Variants in GALNT17 observed in about 807,000 individuals in gnomAD.
GALNT17 encodes the protein UDP-GalNAc:polypeptide N-acetylgalactosaminyltransferase-like 3.
In GALNT17, 29 loss-of-function variants were observed where a neutral mutation model predicts 63.7. The observed-to-expected ratio is 0.46, with a 90% CI of 0.34 to 0.62. The LOEUF (loss-of-function observed/expected upper bound fraction) is 0.62, where lower values mean the gene tolerates loss of function less well. GALNT17 is among the 20% of genes least tolerant of loss of function. GALNT17 has a pLI of 0.01. For missense variants in GALNT17, 603 were observed against 799.6 expected, an observed-to-expected ratio of 0.75 and a Z score of 2.97; for synonymous variants, 305 against 318.3, an observed-to-expected ratio of 0.96 and a Z score of 0.45.
chr7:71,198,909 A>T (rs1789109066), intron 1 of GALNT17, among the ~76,000 whole-genome samples: 1 of 152,044 alleles, frequency 6.6e-6, no homozygotes, highest in Non-Finnish European at 1.5e-5. Flanking sequence ...TCACATGGAG[A>T]GCTTGTTGAA....
chr7:71,566,223 C>T (rs1331718666), intron 5 of GALNT17, among the ~76,000 whole-genome samples: 1 of 152,132 alleles, frequency 6.6e-6, no homozygotes, highest in Non-Finnish European at 1.5e-5. Flanking sequence ...CTGATGCAGT[C>T]AGCCCCTAGA....
At chr7:71,689,018 G>A (rs187357337) in intron 9 of GALNT17, among the ~76,000 whole-genome samples, 463 of 152,122 alleles carry the variant, frequency 3.0e-3, no homozygotes, top group Non-Finnish European at 4.8e-3. Context: ...CATTAGTATT[G>A]TATCTGTTAT....
intron 1 of GALNT17, among the ~76,000 whole-genome samples, chr7:71,254,107 C>T (rs1255858584): frequency 6.6e-6 from 1 of 152,194 alleles, no homozygotes; most frequent in Non-Finnish European, 1.5e-5. Context: ...GGCAGGACCA[C>T]TCAAAGCTGA....
chr7:71,419,045 C>T (rs1379091060), intron 4 of GALNT17, among the ~76,000 whole-genome samples: 1 of 152,018 alleles, frequency 6.6e-6, no homozygotes, highest in Non-Finnish European at 1.5e-5. Context: ...CATGCCATTG[C>T]ACTATAGCCT....
intron 2 of GALNT17, among the ~76,000 whole-genome samples, chr7:71,358,680 A>G (rs1171296228): frequency 6.6e-6 from 1 of 152,202 alleles, no homozygotes; most frequent in Admixed American, 6.5e-5. Context: ...ATTTATTATT[A>G]TGTTGTAAAA....
intron 1 of GALNT17, among the ~76,000 whole-genome samples, chr7:71,143,739 G>T (rs950828867): frequency 2.2e-4 from 33 of 151,650 alleles, no homozygotes; most frequent in Admixed American, 2.0e-3. Flanking sequence ...TGGGAGAGTG[G>T]GTTGGAATGC....
intron 1 of GALNT17, among the ~76,000 whole-genome samples, chr7:71,219,204 T>C (rs1789538610): frequency 1.3e-5 from 2 of 152,186 alleles, no homozygotes; most frequent in Non-Finnish European, 2.9e-5. Flanking sequence ...GTTAAATAAC[T>C]TGAGGGTAAT....
chr7:71,709,920 G>A (rs73191062), intron 9 of GALNT17, among the ~76,000 whole-genome samples: 3 of 152,022 alleles, frequency 2.0e-5, no homozygotes, highest in African/African-American at 4.8e-5. Context: ...GTAAAATGTG[G>A]TATCTTATTA....
intron 9 of GALNT17, among the ~76,000 whole-genome samples, chr7:71,678,820 T>C (rs1381260656): frequency 6.7e-6 from 1 of 149,890 alleles, no homozygotes; most frequent in Admixed American, 6.6e-5. Context: ...TAGCCAGGCA[T>C]AGTGGCGGGT....
At chr7:71,310,838 C>T (rs189135168) in intron 1 of GALNT17, among the ~76,000 whole-genome samples, 125 of 152,224 alleles carry the variant, frequency 8.2e-4, no homozygotes, top group Non-Finnish European at 1.4e-3. Context: ...TGGAATGCCA[C>T]GCGATGTTCT....
chr7:71,398,361 T>A (rs1172902587), intron 3 of GALNT17, among the ~76,000 whole-genome samples: 6 of 152,164 alleles, frequency 3.9e-5, no homozygotes, highest in Non-Finnish European at 8.8e-5. Context: ...TCAGTTTTTT[T>A]ATTCTTCCCT....
chr7:71,610,404 C>T (rs755556226), intron 6 of GALNT17, among the ~76,000 whole-genome samples: 1 of 152,152 alleles, frequency 6.6e-6, no homozygotes, highest in Non-Finnish European at 1.5e-5. Flanking sequence ...GGCAGGATCA[C>T]TTGAACCCAA....
chr7:71,564,214 C>A (rs1789300616), intron 5 of GALNT17, among the ~76,000 whole-genome samples: 1 of 151,648 alleles, frequency 6.6e-6, no homozygotes, highest in Non-Finnish European at 1.5e-5. Flanking sequence ...CAGCCTCTGT[C>A]AGGCTCTGTA....
At chr7:71,701,843 G>GTGTATA (rs1791646227) in intron 9 of GALNT17, among the ~76,000 whole-genome samples, 5 of 28,664 alleles carry the variant, frequency 1.7e-4, no homozygotes, top group Admixed American at 3.9e-4. Flanking sequence ...ATATATATGT[G>GTGTATA]TATATATATA....
intron 10 of GALNT17, 26 bp from the exon 11 acceptor site, chr7:71,711,992 C>G: frequency 6.2e-7 from 1 of 1,613,480 alleles, no homozygotes; most frequent in Non-Finnish European, 8.5e-7. Flanking sequence ...CTCTTCTCCT[C>G]TCTTCTCGAT....
At chr7:71,561,377 C>T (rs1789253410) in intron 5 of GALNT17, among the ~76,000 whole-genome samples, 1 of 152,162 alleles carries the variant, frequency 6.6e-6, no homozygotes, top group Non-Finnish European at 1.5e-5. Flanking sequence ...ACTACGAAAA[C>T]ACTCAGTACT....
chr7:71,668,142 T>C (rs912148645), intron 7 of GALNT17, among the ~76,000 whole-genome samples: 3 of 152,164 alleles, frequency 2.0e-5, no homozygotes, highest in African/African-American at 7.2e-5. Context: ...GAGTTACAAA[T>C]AACTCAAGTC....
chr7:71,414,905 A>G (rs549744818), intron 3 of GALNT17, among the ~76,000 whole-genome samples: 27 of 152,236 alleles, frequency 1.8e-4, no homozygotes, highest in African/African-American at 6.5e-4. Context: ...CTGGAGTGCA[A>G]GTATCTAAGA....
chr7:71,210,481 A>G (rs935138608), intron 1 of GALNT17, among the ~76,000 whole-genome samples: 2 of 152,230 alleles, frequency 1.3e-5, no homozygotes, highest in South Asian at 2.1e-4. Context: ...AATTTTAACT[A>G]TAAAGGCCCT....
Sources: allele counts gnomAD v4.1 joint callset (sites outside exome capture counted in the v4.1 genomes callset), GRCh38; gene constraint gnomAD v4.1.1; transcripts MANE v1.5; gene names NCBI Gene and HGNC (gene_info 2026-07-23, HGNC 2026-07-21).